DCAF10: variants seen among roughly 807,000 people sequenced by gnomAD.
DCAF10 encodes DDB1 and CUL4 associated factor 10.
DCAF10 carries 19 observed loss-of-function variants against 51.9 expected under a neutral mutation model. That is an observed-to-expected ratio of 0.37 (90% CI 0.26 to 0.54). The LOEUF is 0.54. DCAF10 is among the 20% of genes least tolerant of loss of function. The probability of loss-of-function intolerance (pLI) is 0.87; values close to 1 mark genes in which losing one functional copy is unlikely to be tolerated. For missense variants in DCAF10, 510 were observed against 730.6 expected (o/e 0.70, Z 3.48); for synonymous variants, 291 against 297.1 (o/e 0.98, Z 0.21).
chr9:37,816,659 G>GGGGGGTGGGTGTGTGTGT (rs372664140), intron 1 of DCAF10, among the ~76,000 whole-genome samples: 5 of 144,890 alleles, frequency 3.5e-5, no homozygotes, highest in Non-Finnish European at 7.6e-5. Flanking sequence ...CTGCACCTGG[G>GGGGGGTGGGTGTGTGTGT]GTGTGTGTGT....
chr9:37,838,779 T>A (rs1235486936), intron 2 of DCAF10, among the ~76,000 whole-genome samples: 3 of 151,532 alleles, frequency 2.0e-5, no homozygotes, highest in Non-Finnish European at 4.4e-5. Context: ...TAATCCCAGC[T>A]ACTCTGGAGG....
At chr9:37,837,561 ACT>A (rs1830207049) in intron 2 of DCAF10, among the ~76,000 whole-genome samples, 1 of 151,478 alleles carries the variant, frequency 6.6e-6, no homozygotes, top group South Asian at 2.1e-4. Context: ...GGTAAATGTC[ACT>A]CTGTTTGTTA....
chr9:37,842,372 C>CCTG, intron 3 of DCAF10, 86 bp downstream of exon 3: 1 of 1,307,846 alleles, frequency 7.6e-7, no homozygotes, highest in Non-Finnish European at 1.0e-6. Context: ...CTGTCCTAGC[C>CCTG]TCAAGAAGGA....
At chr9:37,852,317 C>G (rs886327677) in intron 3 of DCAF10, among the ~76,000 whole-genome samples, 2 of 152,192 alleles carry the variant, frequency 1.3e-5, no homozygotes, top group Admixed American at 1.3e-4. Flanking sequence ...ATGAGTTGAG[C>G]TGGGCATAGT....
chr9:37,822,483 G>C (rs183702434), intron 2 of DCAF10, among the ~76,000 whole-genome samples: 2 of 148,506 alleles, frequency 1.3e-5, no homozygotes, highest in Admixed American at 1.4e-4. Context: ...TGAATTAACA[G>C]CATTTGCAAT....
At chr9:37,817,970 T>TGATTAGTAAATCATG (rs903974398) in intron 1 of DCAF10, among the ~76,000 whole-genome samples, 10 of 152,084 alleles carry the variant, frequency 6.6e-5, no homozygotes, top group Non-Finnish European at 1.5e-4. Flanking sequence ...GACAAGTCCA[T>TGATTAGTAAATCATG]GATTAGTAAA....
At chr9:37,823,275 T>C (rs1300761173) in intron 2 of DCAF10, among the ~76,000 whole-genome samples, 2 of 152,276 alleles carry the variant, frequency 1.3e-5, no homozygotes, top group South Asian at 4.1e-4. Flanking sequence ...CTTTATAGTG[T>C]TTGCAGTTTA....
intron 4 of DCAF10, 97 bp downstream of exon 4, chr9:37,855,079 G>C: frequency 1.7e-6 from 2 of 1,206,766 alleles, no homozygotes; most frequent in Non-Finnish European, 2.3e-6. Context: ...CAGGAAAAGG[G>C]AAGACAGTTT....
In DCAF10 at chr9:37,826,003, C is replaced by A. The variant is rs181395760; in HGVS notation, c.653+6602C>A. Among the ~76,000 whole-genome samples the A allele has an allele frequency of 5.0e-4, 76 of 150,558 alleles. 1 individual carries two copies. In the East Asian group the frequency reaches 0.013, roughly 26 times the overall value. ...TGAGCCGAGATCGCGTCACTGCACA[C>A]CAGCCTGAGCGACAGAGCGAGACTC... On this transcript the variant is annotated intron_variant, in intron 2 of 6. Coordinates refer to ENST00000377724, the MANE Select transcript of DCAF10 (RefSeq NM_024345.5).
At position 37,861,379 on chromosome 9, in the gene DCAF10, C is replaced by T; in HGVS notation, c.1551C>T (p.Pro517=). The T allele has an allele frequency of 6.2e-7, 1 of 1,614,156 alleles. No individual in the cohort carries two copies. The highest frequency in any genetic ancestry group is 1.1e-5 in the South Asian group (1 of 91,082). Residue 517 remains proline (P), a synonymous_variant, in exon 7 of 7, where the codon CCC becomes CCT. Coordinates refer to ENST00000377724, the MANE Select transcript of DCAF10 (RefSeq NM_024345.5). The surrounding 1 kb of genome is among the most constrained non-coding windows in gnomAD (Gnocchi z 4.9). ...LVDCLPKEAS[P]LRVIRSLYSH... ...ACTGCTTGCCCAAAGAAGCCAGTCC[C>T]CTGCGGGTGATCCGTTCTCTGTACT... is the stretch of plus-strand genomic sequence containing the variant.
chr9:37,800,818 T>C lies in DCAF10; in HGVS notation c.-49T>C. On this transcript the variant is annotated 5_prime_UTR_variant, in exon 1 of 7. Coordinates refer to ENST00000377724, the MANE Select transcript of DCAF10 (RefSeq NM_024345.5). ...TGGCAGCTGAACAGGGGCACTGAGG[T>C]GTCGGCCGGCGGGGCAGTGGCCCGG... is the stretch of plus-strand genomic sequence containing the variant. 3.3e-6 allele frequency: 5 copies of C among 1,493,134 alleles called. No homozygotes were observed. Among genetic ancestry groups the C allele is most frequent in the Non-Finnish European group, 3.5e-6 (4 of 1,127,296 alleles). The allele number at this position is 1,493,134 out of a possible 1,614,324, so 92.5% of individuals were successfully genotyped here.
chr9:37,850,615 G>C (rs1438819104), intron 3 of DCAF10, among the ~76,000 whole-genome samples: 4 of 151,638 alleles, frequency 2.6e-5, no homozygotes, highest in Admixed American at 2.6e-4. Context: ...CCAGGGACTG[G>C]GGACAGGTGG....
At position 37,861,818 on chromosome 9, in the gene DCAF10, C is replaced by T. The variant is rs1831028341; in HGVS notation, c.*310C>T. 8.0e-6 allele frequency: 2 copies of T among 249,128 alleles called. No homozygotes were observed. Among genetic ancestry groups the T allele is most frequent in the Non-Finnish European group, 7.9e-6 (1 of 126,982 alleles). 15.4% of individuals were successfully genotyped at this position (249,128 alleles called of 1,614,324 possible). ...GTCACGTTCCTTCCTTCCTCACTCT[C>T]TATTTCTCTTTCCCTCTCCCTGTCC... On this transcript the variant is annotated 3_prime_UTR_variant, in exon 7 of 7. Transcript: ENST00000377724. This position sits in a 1 kb window ranked among gnomAD's most constrained non-coding sequence, Gnocchi z 4.9.
intron 4 of DCAF10, among the ~76,000 whole-genome samples, chr9:37,856,083 T>A (rs1830840399): frequency 6.6e-6 from 1 of 151,970 alleles, no homozygotes; most frequent in African/African-American, 2.4e-5. Flanking sequence ...CCTGGCAGGT[T>A]GAGGCAGCAG....
At chr9:37,847,838 A>G (rs146579964) in intron 3 of DCAF10, among the ~76,000 whole-genome samples, 1 of 152,356 alleles carries the variant, frequency 6.6e-6, no homozygotes, top group African/African-American at 2.4e-5. Context: ...TTGTATTTCT[A>G]CTTATAAGCA....
rs1831160675 is a variant in DCAF10 at position 37,867,539 on chromosome 9, TTTAAG to T, written c.*6034_*6038del. On this transcript the variant is annotated 3_prime_UTR_variant, in exon 7 of 7. Coordinates refer to ENST00000377724, the MANE Select transcript of DCAF10 (RefSeq NM_024345.5). ...CTTTTCTCAGTAGGTTCTGAGGTGTTTTAAGTTCTTATGCTAGACTGTAAGCTCCT... is the reference window on the plus strand; with the variant it reads ...CTTTTCTCAGTAGGTTCTGAGGTGTTTTCTTATGCTAGACTGTAAGCTCCT... 1 of 151,862 alleles carries T rather than the reference TTTAAG, an allele frequency of 6.6e-6. No individual in the cohort carries two copies. The highest frequency in any genetic ancestry group is 1.5e-5 in the Non-Finnish European group (1 of 67,996). 9.4% of individuals were successfully genotyped at this position (151,862 alleles called of 1,614,324 possible). A position where few individuals can be genotyped will look rare whatever the true frequency, so the allele number is the denominator to read the frequency against.
chr9:37,812,867 G>T (rs1829395083), intron 1 of DCAF10, among the ~76,000 whole-genome samples: 1 of 151,722 alleles, frequency 6.6e-6, no homozygotes, highest in Admixed American at 6.6e-5. Context: ...TATAAAACAT[G>T]AAAAATTTTA....
chr9:37,835,906 T>A lies in DCAF10; in HGVS notation c.654-6183T>A. On this transcript the variant is annotated intron_variant, in intron 2 of 6. Coordinates refer to ENST00000377724, the MANE Select transcript of DCAF10 (RefSeq NM_024345.5). ...AACATCAACGTGTAGGTTTGAAAAC[T>A]GTACCCACTTCATATTGGTACTGAG... The A allele has an allele frequency of 1.0e-5, 12 of 1,179,422 alleles. No individual in the cohort carries two copies. The South Asian group carries it at 1.3e-4, about 13-fold the overall frequency. The allele number at this position is 1,179,422 out of a possible 1,614,324, so 73.1% of individuals were successfully genotyped here.
Position 37,800,941 on chromosome 9 carries a change from C to A in DCAF10, c.75C>A (p.His25Gln), listed in dbSNP as rs1454244352. 3 of 1,498,742 alleles carry A rather than the reference C, an allele frequency of 2.0e-6. No homozygotes were observed. Among genetic ancestry groups the A allele is most frequent in the South Asian group, 1.3e-5 (1 of 78,124 alleles). The allele number at this position is 1,498,742 out of a possible 1,614,324, so 92.8% of individuals were successfully genotyped here. ...CCGGGGCTGAGGAGCCGACGCCCCACGAGGGGCAGGCAGCAGCCACCGGGC... is the reference window on the plus strand; with the variant it reads ...CCGGGGCTGAGGAGCCGACGCCCCAAGAGGGGCAGGCAGCAGCCACCGGGC... ...AGAGAEEPTP[H>Q]EGQAAATGPP... The change falls in exon 1 of 7, where the codon CAC (histidine) becomes CAA (glutamine). Residue 25 changes from histidine (H) to glutamine (Q), a missense_variant. Physicochemically the swap from His to Gln is conservative, Grantham distance 24 (BLOSUM62 0). Transcript: ENST00000377724.
Sources: allele counts gnomAD v4.1 joint callset (sites outside exome capture counted in the v4.1 genomes callset), GRCh38; gene constraint gnomAD v4.1.1; non-coding constraint Gnocchi (gnomAD v3.1); transcripts MANE v1.5; gene names NCBI Gene and HGNC (gene_info 2026-07-23, HGNC 2026-07-21).